Variants in CACNA2D3 observed in about 807,000 individuals in gnomAD.
CACNA2D3 encodes calcium voltage-gated channel auxiliary subunit alpha2delta 3, also known as voltage-dependent calcium channel subunit alpha-2/delta-3.
CACNA2D3 carries 60 observed loss-of-function variants against 160.6 expected under a neutral mutation model. The observed-to-expected ratio is 0.37, with a 90% CI of 0.30 to 0.46. The LOEUF (loss-of-function observed/expected upper bound fraction) is 0.46, where lower values mean the gene tolerates loss of function less well. Ranked by LOEUF, CACNA2D3 falls within the 20% of genes least tolerant of loss-of-function variation. CACNA2D3 has a pLI of 1.00. For missense variants in CACNA2D3, 1,205 were observed against 1,365.0 expected, an observed-to-expected ratio of 0.88 and a Z score of 1.85; for synonymous variants, 558 against 492.9, an observed-to-expected ratio of 1.13 and a Z score of -1.75.
chr3:54,797,572 C>G (rs1241276762), intron 13 of CACNA2D3, among the ~76,000 whole-genome samples: 3 of 152,302 alleles, frequency 2.0e-5, no homozygotes, highest in East Asian at 3.9e-4. Context: ...CTCCCCACCA[C>G]CCCCATTTTT....
intron 4 of CACNA2D3, among the ~76,000 whole-genome samples, chr3:54,410,215 G>A (rs181601214): frequency 1.4e-3 from 213 of 152,246 alleles, no homozygotes; most frequent in African/African-American, 3.8e-3. Flanking sequence ...ATAGCCAGGC[G>A]TGGTGGCTTG....
chr3:54,637,869 T>C lies in CACNA2D3; in HGVS notation c.1054-4259T>C, dbSNP rs1024056274. ...GATTTTCAGTGGGGTCCCACACAGA[T>C]GGGACGCGGCTTAGGAGGAATCCCG... On this transcript the variant is annotated intron_variant, in intron 10 of 37. Coordinates refer to ENST00000474759, the MANE Select transcript of CACNA2D3 (RefSeq NM_018398.3). The C allele has an allele frequency of 9.2e-5, 14 of 152,000 alleles. 1 individual carries two copies. Among genetic ancestry groups the C allele is most frequent in the African/African-American group, 3.4e-4 (14 of 41,280 alleles). 9.4% of individuals were successfully genotyped at this position (152,000 alleles called of 1,614,324 possible).
intron 17 of CACNA2D3, among the ~76,000 whole-genome samples, chr3:54,868,165 A>G (rs1334218405): frequency 1.3e-5 from 2 of 152,208 alleles, no homozygotes; most frequent in African/African-American, 4.8e-5. Flanking sequence ...TGTTATATCT[A>G]TGCAACAGCC....
chr3:54,890,389 G>A (rs972138521), intron 24 of CACNA2D3, among the ~76,000 whole-genome samples: 3 of 151,684 alleles, frequency 2.0e-5, no homozygotes, highest in Admixed American at 6.6e-5. Flanking sequence ...CCAGCTACTC[G>A]GGGGGCTGAG....
chr3:54,333,611 G>T (rs1158732070), intron 3 of CACNA2D3, among the ~76,000 whole-genome samples: 1 of 152,106 alleles, frequency 6.6e-6, no homozygotes, highest in Non-Finnish European at 1.5e-5. Context: ...CCCACCGAGA[G>T]TGAAGCCCCC....
intron 5 of CACNA2D3, among the ~76,000 whole-genome samples, chr3:54,549,403 G>A (rs1702118077): frequency 6.6e-6 from 1 of 152,320 alleles, no homozygotes; most frequent in South Asian, 2.1e-4. Flanking sequence ...CCGAGATCGT[G>A]CCACTGCAGT....
intron 2 of CACNA2D3, among the ~76,000 whole-genome samples, chr3:54,149,145 T>C (rs1700094186): frequency 6.6e-6 from 1 of 151,928 alleles, no homozygotes; most frequent in South Asian, 2.1e-4. Flanking sequence ...GTAGAATCCA[T>C]ACTTGTCCCT....
At chr3:54,854,493 G>GGATT (rs1699124635) in intron 17 of CACNA2D3, among the ~76,000 whole-genome samples, 2 of 152,266 alleles carry the variant, frequency 1.3e-5, no homozygotes, top group South Asian at 4.1e-4. Flanking sequence ...GACACTCAAG[G>GGATT]GATTGATGGG....
intron 13 of CACNA2D3, among the ~76,000 whole-genome samples, chr3:54,772,886 G>C (rs1043154456): frequency 7.2e-5 from 11 of 152,198 alleles, no homozygotes; most frequent in African/African-American, 2.7e-4. Context: ...GATAGAACCA[G>C]TATCAAACCA....
chr3:54,204,270 C>CAT (rs746296649), intron 2 of CACNA2D3, among the ~76,000 whole-genome samples: 191 of 151,952 alleles, frequency 1.3e-3, no homozygotes, highest in African/African-American at 4.1e-3. Flanking sequence ...AATAAATCTC[C>CAT]ATATATATAT....
At chr3:54,859,447 T>A (rs979046709) in intron 17 of CACNA2D3, among the ~76,000 whole-genome samples, 3 of 152,204 alleles carry the variant, frequency 2.0e-5, no homozygotes, top group African/African-American at 7.2e-5. Context: ...AGGGAAACAC[T>A]AATACATTTG....
At chr3:54,890,675 G>C (rs1472532970) in intron 24 of CACNA2D3, among the ~76,000 whole-genome samples, 1 of 152,178 alleles carries the variant, frequency 6.6e-6, no homozygotes, top group Non-Finnish European at 1.5e-5. Flanking sequence ...TTTTACATTA[G>C]TTTTCCTTGC....
chr3:54,918,418 T>G, intron 27 of CACNA2D3: 1 of 1,545,520 alleles, frequency 6.5e-7, no homozygotes, highest in Non-Finnish European at 8.8e-7. Context: ...AGACACTATC[T>G]TCTGGCCTGC....
intron 2 of CACNA2D3, among the ~76,000 whole-genome samples, chr3:54,165,114 A>ATTTTTTTTTTTTTT (rs397961895): frequency 8.5e-6 from 1 of 117,888 alleles, no homozygotes; most frequent in Non-Finnish European, 1.7e-5. Flanking sequence ...TCTGAATCTC[A>ATTTTTTTTTTTTTT]TTTTTTTTTT....
At chr3:54,149,932 C>G (rs62251043) in intron 2 of CACNA2D3, among the ~76,000 whole-genome samples, 1 of 23,838 alleles carries the variant, frequency 4.2e-5, no homozygotes, top group African/African-American at 2.0e-4. Context: ...TCTCTCTCTC[C>G]CTCCCTCCCT....
intron 29 of CACNA2D3, among the ~76,000 whole-genome samples, chr3:54,971,598 T>G (rs1173173304): frequency 6.6e-6 from 1 of 152,170 alleles, no homozygotes; most frequent in African/African-American, 2.4e-5. Flanking sequence ...GGATAGTTGG[T>G]TAAACAATTT....
chr3:54,731,829 G>T (rs1274084827), intron 11 of CACNA2D3, among the ~76,000 whole-genome samples: 1 of 152,054 alleles, frequency 6.6e-6, no homozygotes, highest in African/African-American at 2.4e-5. Context: ...GTGGAGACAG[G>T]TATTTAGACG....
intron 2 of CACNA2D3, among the ~76,000 whole-genome samples, chr3:54,284,466 A>G (rs955833637): frequency 7.2e-5 from 11 of 152,018 alleles, no homozygotes; most frequent in Non-Finnish European, 1.5e-4. Context: ...CTTTAGGAGA[A>G]GTTGGGTGAA....
intron 2 of CACNA2D3, among the ~76,000 whole-genome samples, chr3:54,165,641 G>A (rs1040263423): frequency 1.7e-4 from 26 of 151,728 alleles, no homozygotes; most frequent in African/African-American, 5.6e-4. Flanking sequence ...CAGGTGTGGT[G>A]GTGCACACCT....
Sources: gnomAD v4.1 joint callset for allele counts (sites outside exome capture counted in the v4.1 genomes callset) on GRCh38, gnomAD v4.1.1 for gene constraint, MANE v1.5 for transcripts, NCBI Gene and HGNC (gene_info 2026-07-23, HGNC 2026-07-21) for gene names.